The following USP45 variants were observed in gnomAD, a reference collection of about 807,000 sequenced individuals.
USP45 encodes the protein ubiquitin carboxyl-terminal hydrolase 45.
USP45 carries 89 observed loss-of-function variants against 95.8 expected under a neutral mutation model. The ratio of observed to expected loss-of-function variants is 0.93; its 90% CI spans 0.78 to 1.11. The LOEUF is 1.11. Ranked by LOEUF, USP45 falls within the 50% of genes least tolerant of loss-of-function variation. The probability of loss-of-function intolerance (pLI) is 0.00; values close to 1 mark genes in which losing one functional copy is unlikely to be tolerated. For synonymous variants in USP45, 281 were observed against 316.2 expected (o/e 0.89, Z 1.18); for missense variants, 898 against 942.5 (o/e 0.95, Z 0.62).
chr6:99,511,301 G>A (rs1002096948), intron 1 of USP45, among the ~76,000 whole-genome samples: 1 of 151,390 alleles, frequency 6.6e-6, no homozygotes, highest in Non-Finnish European at 1.5e-5. Flanking sequence ...ACAGGCGTGT[G>A]CCACCAGGCT....
chr6:99,468,111 T>G, intron 10 of USP45: 1 of 455,720 alleles, frequency 2.2e-6, no homozygotes, highest in East Asian at 6.9e-5. Flanking sequence ...AGCACTCTCT[T>G]CAATAAACGG....
chr6:99,464,838 CA>C, intron 12 of USP45, 91 bp from the exon 13 acceptor site: 1 of 1,345,922 alleles, frequency 7.4e-7, no homozygotes, highest in Non-Finnish European at 9.9e-7. Context: ...ACTTGAAATA[CA>C]AAAAATTAAC....
chr6:99,503,777 T>C lies in USP45; in HGVS notation c.466A>G (p.Lys156Glu). 2.5e-6 allele frequency: 4 copies of C among 1,596,318 alleles called. No individual in the cohort carries two copies. The highest frequency in any genetic ancestry group is 1.2e-5 in the South Asian group (1 of 86,732). Residue 156 changes from lysine to glutamate, a missense_variant, in exon 5 of 18, where the codon AAA becomes GAA. By Grantham distance (56) the Lys-to-Glu change is moderately conservative. Transcript: ENST00000500704. ...IVDFLQKHAS[K>E]TQTSAFSRIM... is the part of the protein sequence containing the mutation. ...TCGCTTAACTTACTTGTTTGTGTTTTAGAAGCATGTTTCTGGAGAAAATCA... is the reference window on the plus strand; with the variant it reads ...TCGCTTAACTTACTTGTTTGTGTTTCAGAAGCATGTTTCTGGAGAAAATCA...
rs528850832 is a variant in USP45, at chr6:99,457,381, C to T, written c.1308+7223G>A. Reference sequence around the variant, plus strand: ...ACCGACATGTGATGTCTCCCCTGGACGCCCAGCTTTAGAATTTCTCTCTTT... The same window carrying T: ...ACCGACATGTGATGTCTCCCCTGGATGCCCAGCTTTAGAATTTCTCTCTTT... On this transcript the variant is annotated intron_variant, in intron 13 of 17. Transcript: ENST00000500704. 5.9e-4 allele frequency among the ~76,000 whole-genome samples: 90 copies of T among 152,272 alleles called. 1 individual carries two copies. The highest frequency in any genetic ancestry group is 1.9e-3 in the African/African-American group (77 of 41,558).
At chr6:99,485,859 T>G (rs1478005825) in intron 7 of USP45, among the ~76,000 whole-genome samples, 1 of 152,124 alleles carries the variant, frequency 6.6e-6, no homozygotes, top group Non-Finnish European at 1.5e-5. Context: ...ATTCACCACA[T>G]TAACAGAATA....
At position 99,488,747 on chromosome 6, in the gene USP45, G is replaced by A; in HGVS notation, c.552C>T (p.Cys184=). ...ETDEIQKGGK[C]RNLSVRGITN... is the part of the protein sequence containing the mutation. ...TAATTCCTCTTACAGATAAATTTCT[G>A]CATTTTCCTCCCTTCTGTATTTCAT... Residue 184 remains cysteine, a synonymous_variant, in exon 6 of 18, where the codon TGC becomes TGT. Coordinates refer to ENST00000500704, the MANE Select transcript of USP45 (RefSeq NM_001346022.3). The A allele has an allele frequency of 1.2e-6, 2 of 1,606,914 alleles. No individual in the cohort carries two copies. Among genetic ancestry groups the A allele is most frequent in the South Asian group, 1.1e-5 (1 of 89,526 alleles).
intron 15 of USP45, among the ~76,000 whole-genome samples, chr6:99,441,035 T>C (rs967375969): frequency 6.6e-6 from 1 of 152,226 alleles, no homozygotes; most frequent in Non-Finnish European, 1.5e-5. Context: ...TACAGTCTCC[T>C]GCCTTTTTCC....
chr6:99,451,429 A>T (rs956597802), intron 13 of USP45, among the ~76,000 whole-genome samples: 2 of 152,226 alleles, frequency 1.3e-5, no homozygotes, highest in African/African-American at 4.8e-5. Flanking sequence ...TCCCATTCAC[A>T]ATTGCTTCAA....
chr6:99,446,795 G>C (rs993018179), intron 13 of USP45, among the ~76,000 whole-genome samples: 4 of 152,204 alleles, frequency 2.6e-5, no homozygotes, highest in Admixed American at 6.5e-5. Flanking sequence ...CCAGGCTAGA[G>C]TGCAGTGGCA....
chr6:99,440,513 T>C (rs1781325840), intron 15 of USP45, among the ~76,000 whole-genome samples: 1 of 152,076 alleles, frequency 6.6e-6, no homozygotes, highest in African/African-American at 2.4e-5. Flanking sequence ...GACCCATAAA[T>C]AGAAATGGAC....
chr6:99,489,130 T>C (rs1049834411), intron 5 of USP45, among the ~76,000 whole-genome samples: 14 of 152,324 alleles, frequency 9.2e-5, no homozygotes, highest in Middle Eastern at 3.4e-3. Flanking sequence ...TAAATACCAT[T>C]ACCCATGAAA....
At position 99,482,817 on chromosome 6, in the gene USP45, T is replaced by A; in HGVS notation, c.781A>T (p.Ser261Cys). Reference sequence around the variant, plus strand: ...GGTCCTTTTTCAGTCTCCTTCATGCTGTGAAGAAACAGGAACAAGGCTGAG... The same window carrying A: ...GGTCCTTTTTCAGTCTCCTTCATGCAGTGAAGAAACAGGAACAAGGCTGAG... ...LTSALFLFLH[S>C]MKETEKGPLS... Residue 261 changes from serine (S) to cysteine (C), a missense_variant, in exon 8 of 18, where the codon AGC (serine) becomes TGC (cysteine). By Grantham distance (112) the Ser-to-Cys change is moderately radical. Coordinates refer to ENST00000500704, the MANE Select transcript of USP45 (RefSeq NM_001346022.3). The A allele has an allele frequency of 1.2e-6, 2 of 1,606,812 alleles. No homozygotes were observed. The highest frequency in any genetic ancestry group is 2.2e-5 in the South Asian group (2 of 89,238).
intron 11 of USP45, among the ~76,000 whole-genome samples, chr6:99,466,070 G>A (rs1787881428): frequency 6.6e-6 from 1 of 151,318 alleles, no homozygotes; most frequent in African/African-American, 2.4e-5. Context: ...AGGCTATAGT[G>A]CAGTAGTGCG....
At chr6:99,442,068 G>A (rs1299982258) in intron 15 of USP45, among the ~76,000 whole-genome samples, 2 of 152,170 alleles carry the variant, frequency 1.3e-5, no homozygotes, top group Admixed American at 6.5e-5. Context: ...ATGTGGCTTT[G>A]CTGACATTAC....
intron 4 of USP45, among the ~76,000 whole-genome samples, chr6:99,506,303 A>T (rs534325735): frequency 2.0e-5 from 3 of 152,204 alleles, no homozygotes; most frequent in Non-Finnish European, 4.4e-5. Flanking sequence ...TGATATGCTA[A>T]TAAGAAACTA....
At chr6:99,457,260 T>C (rs896244139) in intron 13 of USP45, among the ~76,000 whole-genome samples, 1 of 152,192 alleles carries the variant, frequency 6.6e-6, no homozygotes, top group Non-Finnish European at 1.5e-5. Flanking sequence ...GTACTTGATG[T>C]CTGTGACCCA....
chr6:99,441,492 A>G (rs1020862711), intron 15 of USP45, among the ~76,000 whole-genome samples: 9 of 151,850 alleles, frequency 5.9e-5, no homozygotes, highest in African/African-American at 2.2e-4. Flanking sequence ...AGATCGCGCC[A>G]TTGCACTCCA....
At chr6:99,466,901 T>A in intron 10 of USP45, 138 bp from the exon 11 acceptor site, 1 of 615,942 alleles carries the variant, frequency 1.6e-6, no homozygotes, top group Non-Finnish European at 2.8e-6. Context: ...TTACTATACA[T>A]ACAACATTCT....
At chr6:99,437,672 T>G (rs1043172386) in intron 16 of USP45, among the ~76,000 whole-genome samples, 13 of 151,964 alleles carry the variant, frequency 8.6e-5, no homozygotes, top group Admixed American at 1.3e-4. Flanking sequence ...TCTCTCTTTT[T>G]CTTGAGATGG....
Sources: gnomAD v4.1 joint callset for allele counts (sites outside exome capture counted in the v4.1 genomes callset) on GRCh38, gnomAD v4.1.1 for gene constraint, MANE v1.5 for transcripts, NCBI Gene and HGNC (gene_info 2026-07-23, HGNC 2026-07-21) for gene names.